USP24: variants seen among roughly 807,000 people sequenced by gnomAD.
USP24 encodes the protein ubiquitin specific peptidase 24.
In USP24, 97 loss-of-function variants were observed where a neutral mutation model predicts 361.6. The ratio of observed to expected loss-of-function variants is 0.27; its 90% confidence interval spans 0.23 to 0.32. USP24 has a LOEUF of 0.32. Among genes scored for constraint, USP24 ranks in the 10% least tolerant of loss-of-function variants. The probability of loss-of-function intolerance (pLI) is 1.00; values close to 1 mark genes in which losing one functional copy is unlikely to be tolerated. For missense variants in USP24, 2,353 were observed against 3,165.6 expected (o/e 0.74, Z 6.16); for synonymous variants, 1,098 against 1,124.6 (o/e 0.98, Z 0.47).
At chr1:55,094,306 C>T (rs1645445379) in intron 51 of USP24, among the ~76,000 whole-genome samples, 1 of 152,056 alleles carries the variant, frequency 6.6e-6, no homozygotes, top group African/African-American at 2.4e-5. Context: ...AACTGATTGA[C>T]ATTATAGAAG....
intron 45 of USP24, among the ~76,000 whole-genome samples, chr1:55,099,359 C>T (rs1024036415): frequency 2.0e-5 from 3 of 152,192 alleles, no homozygotes; most frequent in South Asian, 4.1e-4. Flanking sequence ...GAGTTTGAGA[C>T]CAGCCTGGCC....
intron 5 of USP24, among the ~76,000 whole-genome samples, chr1:55,167,187 C>T (rs545034689): frequency 6.6e-6 from 1 of 152,080 alleles, no homozygotes; most frequent in African/African-American, 2.4e-5. Flanking sequence ...TCAAATTGTG[C>T]TAAGTCCCAC....
chr1:55,201,384 C>T (rs1422241690), intron 1 of USP24, among the ~76,000 whole-genome samples: 1 of 151,146 alleles, frequency 6.6e-6, no homozygotes, highest in Admixed American at 6.6e-5. Flanking sequence ...AGGTGGATCA[C>T]GAGGTCAGGA....
chr1:55,107,229 CAAT>C lies in USP24; in HGVS notation c.4762+7_4762+9del, dbSNP rs772432364. On this transcript the variant is annotated splice_region_variant and intron_variant, in intron 40 of 67. Transcript: ENST00000294383. ...GAATCTGCCATGTGATAAGATGGAG[CAAT>C]AATTACCAAGCATTTCCTTTTCTGC... 1.9e-6 allele frequency: 3 copies of C among 1,605,766 alleles called. No homozygotes were observed. The East Asian group carries it at 6.7e-5, about 36-fold the overall frequency.
intron 1 of USP24, among the ~76,000 whole-genome samples, chr1:55,190,164 C>CAAAAAAAAAAA (rs397696116): frequency 1.3e-5 from 1 of 78,722 alleles, no homozygotes; most frequent in East Asian, 3.6e-4. Flanking sequence ...GACTCCATCT[C>CAAAAAAAAAAA]AAAAAAAAAA....
At chr1:55,206,957 A>C (rs942479302) in intron 1 of USP24, among the ~76,000 whole-genome samples, 2 of 152,094 alleles carry the variant, frequency 1.3e-5, no homozygotes, top group South Asian at 4.1e-4. Context: ...GCCTGAGCTG[A>C]GGAGTTCGAG....
rs1645196203 is a variant in USP24 at position 55,083,710 on chromosome 1, A to G, written c.6882+62T>C. 10 of 1,310,138 alleles carry G rather than the reference A, an allele frequency of 7.6e-6. No homozygotes were observed. In the South Asian group the frequency reaches 1.4e-4, roughly 18 times the overall value. 81.2% of individuals were successfully genotyped at this position (1,310,138 alleles called of 1,614,324 possible). A position where few individuals can be genotyped will look rare whatever the true frequency, so the allele number is the denominator to read the frequency against. On this transcript the variant is annotated intron_variant, in intron 57 of 67. Transcript: ENST00000294383. ...ATATAGAACTTTACTATCCAGTCTA[A>G]AAATTTTTTAGAGTATAAATCTTCT...
Position 55,123,456 on chromosome 1 carries a change from G to T in USP24, c.4267C>A (p.Gln1423Lys), listed in dbSNP as rs1646340094. Residue 1423 changes from glutamine to lysine, a missense_variant, in exon 36 of 68, where the codon CAG becomes AAG. Around this residue, in one of 8 missense-constraint regions of USP24, gnomAD observed 949 missense variants for 1,280.5 expected, o/e 0.74. Coordinates refer to ENST00000294383, the MANE Select transcript of USP24 (RefSeq NM_015306.3). ...CAAGCCTCCAGCATACCCAGTTGCT[G>T]GCTCCGAAGCTGTAGGCACGTAACA... Reference protein sequence around the residue: ...LLVTCLQLRSQQLASFYNLPC... With the variant: ...LLVTCLQLRSKQLASFYNLPC... 1.9e-6 allele frequency: 3 copies of T among 1,586,342 alleles called. No individual in the cohort carries two copies. In the African/African-American group the frequency reaches 4.0e-5, roughly 21 times the overall value.
intron 67 of USP24, chr1:55,071,418 C>A (rs1448465001): frequency 2.0e-6 from 2 of 1,005,690 alleles, no homozygotes; most frequent in Non-Finnish European, 2.4e-6. Flanking sequence ...ACTTCAAGAG[C>A]ACGGGAGCTT....
chr1:55,153,801 G>A, intron 16 of USP24, 69 bp downstream of exon 16: 1 of 1,349,538 alleles, frequency 7.4e-7, no homozygotes, highest in Admixed American at 2.3e-5. Flanking sequence ...TTAAAATTGT[G>A]GTGTAATTTA....
intron 5 of USP24, among the ~76,000 whole-genome samples, chr1:55,168,297 G>A (rs968865018): frequency 6.6e-6 from 1 of 152,072 alleles, no homozygotes; most frequent in Non-Finnish European, 1.5e-5. Context: ...AAGGCAGAAT[G>A]GAATGCCCTG....
At chr1:55,088,601 T>C (rs986846100) in intron 55 of USP24, among the ~76,000 whole-genome samples, 15 of 152,062 alleles carry the variant, frequency 9.9e-5, no homozygotes, top group African/African-American at 3.4e-4. Flanking sequence ...GGGTAGGAAA[T>C]GCTCATTTGC....
chr1:55,114,766 C>T (rs145308120), intron 38 of USP24, among the ~76,000 whole-genome samples: 15,374 of 152,146 alleles, frequency 0.1, 1,026 homozygotes, highest in Non-Finnish European at 0.15. Context: ...AAGACTTAAA[C>T]GTAAGACCTA....
intron 28 of USP24, among the ~76,000 whole-genome samples, chr1:55,136,475 G>A (rs2100665425): frequency 6.6e-6 from 1 of 152,224 alleles, no homozygotes; most frequent in Non-Finnish European, 1.5e-5. Flanking sequence ...TGGGCCACTG[G>A]GTGCCCTGTA....
At chr1:55,142,849 T>G in intron 22 of USP24, 54 bp from the exon 23 acceptor site, 1 of 1,437,176 alleles carries the variant, frequency 7.0e-7, no homozygotes, top group Non-Finnish European at 9.4e-7. Flanking sequence ...TTGTAATCAT[T>G]ATTCAGGACA....
intron 50 of USP24, among the ~76,000 whole-genome samples, chr1:55,096,130 C>T (rs979479990): frequency 1.2e-4 from 19 of 152,178 alleles, no homozygotes; most frequent in African/African-American, 4.6e-4. Context: ...TAATTAGTCA[C>T]ACCTCTACAT....
chr1:55,210,380 G>T (rs904598553), intron 1 of USP24, among the ~76,000 whole-genome samples: 7 of 150,856 alleles, frequency 4.6e-5, no homozygotes, highest in Non-Finnish European at 1.0e-4. Flanking sequence ...CCTTTAAAGG[G>T]CCTTTTTTTA....
intron 61 of USP24, among the ~76,000 whole-genome samples, chr1:55,078,043 T>C (rs993994415): frequency 1.2e-4 from 19 of 152,214 alleles, no homozygotes; most frequent in Admixed American, 5.2e-4. Flanking sequence ...CCTAAAGACA[T>C]AATCCACTAA....
chr1:55,212,736 G>A (rs1480686639), intron 1 of USP24, among the ~76,000 whole-genome samples: 1 of 152,174 alleles, frequency 6.6e-6, no homozygotes, highest in African/African-American at 2.4e-5. Flanking sequence ...TACGCTTCGT[G>A]GGTAAAGCAG....
Sources: allele counts gnomAD v4.1 joint callset (sites outside exome capture counted in the v4.1 genomes callset), GRCh38; gene constraint gnomAD v4.1.1; regional missense constraint gnomAD v4.1.1; transcripts MANE v1.5; gene names NCBI Gene and HGNC (gene_info 2026-07-23, HGNC 2026-07-21).